Variants in ANKRD26 observed in about 807,000 individuals in gnomAD.
ANKRD26 encodes the protein ankyrin repeat domain-containing protein 26.
ANKRD26 carries 141 observed loss-of-function variants against 208.7 expected under a neutral mutation model. The ratio of observed to expected loss-of-function variants is 0.68; its 90% CI spans 0.59 to 0.78. The LOEUF is 0.78. Among genes scored for constraint, ANKRD26 ranks in the 30% least tolerant of loss-of-function variants. ANKRD26 has a pLI of 0.00. For synonymous variants in ANKRD26, 636 were observed against 660.4 expected, an observed-to-expected ratio of 0.96 and a Z score of 0.57; for missense variants, 1,889 against 1,938.7, an observed-to-expected ratio of 0.97 and a Z score of 0.48.
chr10:27,075,544 A>G (rs7916592), intron 9 of ANKRD26, among the ~76,000 whole-genome samples: 14,236 of 152,220 alleles, frequency 0.094, 2,159 homozygotes, highest in African/African-American at 0.32. Context: ...AAGAAGATCT[A>G]AGAATCCTAA....
intron 6 of ANKRD26, 26 bp from the exon 7 acceptor site, chr10:27,079,187 G>C (rs530158137): frequency 1.3e-6 from 2 of 1,582,558 alleles, no homozygotes; most frequent in Non-Finnish European, 1.7e-6. Flanking sequence ...ATAGAAAAAT[G>C]AGTGAATTCA....
chr10:27,017,463 G>A, intron 30 of ANKRD26, 39 bp downstream of exon 30: 1 of 1,601,130 alleles, frequency 6.2e-7, no homozygotes, highest in Non-Finnish European at 8.5e-7. Flanking sequence ...AATACAATTT[G>A]CAGTGAAATG....
chr10:27,018,378 C>A (rs1228253307), intron 29 of ANKRD26, among the ~76,000 whole-genome samples: 1 of 151,948 alleles, frequency 6.6e-6, no homozygotes, highest in Non-Finnish European at 1.5e-5. Flanking sequence ...TCATGATCTG[C>A]CTGCCTCAGC....
At chr10:26,955,519 G>A in the ANKRD26 span, among the ~76,000 whole-genome samples, 3 of 151,956 alleles carry the variant, frequency 2.0e-5, no homozygotes, top group Non-Finnish European at 4.4e-5. Context: ...GTATAAATAT[G>A]TTCCAATCCA....
At chr10:27,079,937 C>T in intron 6 of ANKRD26, 1 of 187,934 alleles carries the variant, frequency 5.3e-6, no homozygotes, top group Non-Finnish European at 1.2e-5. Context: ...GCGGGCAGAT[C>T]ACGAGGTCAG....
intron 27 of ANKRD26, among the ~76,000 whole-genome samples, chr10:27,025,654 C>T (rs1367400543): frequency 6.6e-6 from 1 of 152,040 alleles, no homozygotes; most frequent in Non-Finnish European, 1.5e-5. Context: ...TATCAGTGAC[C>T]ATACCCTCCC....
chr10:26,955,597 C>T, the ANKRD26 span, among the ~76,000 whole-genome samples: 1 of 151,986 alleles, frequency 6.6e-6, no homozygotes, highest in Admixed American at 6.6e-5. Flanking sequence ...AAACTTTTTC[C>T]ATTTCCTAGC....
chr10:27,026,531 T>C (rs2053664139), intron 27 of ANKRD26, among the ~76,000 whole-genome samples: 1 of 152,214 alleles, frequency 6.6e-6, no homozygotes. Context: ...TGTATCTGTA[T>C]AGGAGAGTAG....
rs1049090573 is a variant in ANKRD26 at position 27,035,277 on chromosome 10, T to A, written c.3173A>T (p.Asn1058Ile). 1 of 1,613,804 alleles carries A rather than the reference T, an allele frequency of 6.2e-7. No homozygotes were observed. Among genetic ancestry groups the A allele is most frequent in the African/African-American group, 1.3e-5 (1 of 74,910 alleles). ...MNFDVSNLKDNNEILSQQLFK... is the reference protein window; with the variant it reads ...MNFDVSNLKDINEILSQQLFK... Reference sequence around the variant, plus strand: ...TAGTTGTTGAGAAAGAATCTCATTGTTATCTTTTAGGTTAGACACATCAAA... The same window carrying A: ...TAGTTGTTGAGAAAGAATCTCATTGATATCTTTTAGGTTAGACACATCAAA... Residue 1058 changes from asparagine (N) to isoleucine (I), a missense_variant, in exon 24 of 34, where the codon AAC (asparagine) becomes ATC (isoleucine). By Grantham distance (149) the Asn-to-Ile change is moderately radical. Coordinates refer to ENST00000376087, the MANE Select transcript of ANKRD26 (RefSeq NM_014915.3).
Position 27,066,630 on chromosome 10 carries a change from G to A in ANKRD26, c.1208-82C>T, listed in dbSNP as rs928137739. 4 of 832,996 alleles carry A rather than the reference G, an allele frequency of 4.8e-6. No individual in the cohort carries two copies. In the African/African-American group the frequency reaches 7.0e-5, roughly 15 times the overall value. The allele number at this position is 832,996 out of a possible 1,614,324, so 51.6% of individuals were successfully genotyped here. On this transcript the variant is annotated intron_variant, in intron 10 of 33. Transcript: ENST00000376087. ...AATACATAATTAAATACATATACAAGTCTATCTCCATTCATGAATATTTCA... is the reference window on the plus strand; with the variant it reads ...AATACATAATTAAATACATATACAAATCTATCTCCATTCATGAATATTTCA...
chr10:26,952,232 T>C, the ANKRD26 span, among the ~76,000 whole-genome samples: 5 of 151,990 alleles, frequency 3.3e-5, no homozygotes, highest in Non-Finnish European at 7.4e-5. Flanking sequence ...CTGACTGACC[T>C]TGATGTTTCC....
At chr10:27,087,020 C>T (rs1172951138) in intron 4 of ANKRD26, among the ~76,000 whole-genome samples, 2 of 152,092 alleles carry the variant, frequency 1.3e-5, no homozygotes, top group African/African-American at 4.8e-5. Flanking sequence ...GATTTGCCTG[C>T]CTTGGCCTCC....
rs758815806 is a variant in ANKRD26 at position 26,992,863 on chromosome 10, G to T, written c.*30-858C>A. Among the ~76,000 whole-genome samples the T allele has an allele frequency of 4.1e-4, 63 of 152,110 alleles. 2 individuals carry two copies. The highest frequency in any genetic ancestry group is 9.2e-4 in the Admixed American group (14 of 15,258). ...AGCCATAAGTTAAGTTATATTATTT[G>T]ATGTATCTGGAATATAAATACAACA... On this transcript the variant is annotated intron_variant, in intron 5 of 5. Coordinates refer to the ANKRD26 transcript ENST00000445828.
intron 2 of ANKRD26, 46 bp from the exon 3 acceptor site, chr10:27,093,568 A>G: frequency 6.2e-7 from 1 of 1,608,674 alleles, no homozygotes; most frequent in Non-Finnish European, 8.5e-7. Context: ...CTAGGAATGC[A>G]AAATAAACAC....
downstream of ANKRD26, among the ~76,000 whole-genome samples, chr10:26,990,227 C>T (rs1358864558): frequency 6.6e-6 from 1 of 152,120 alleles, no homozygotes; most frequent in Non-Finnish European, 1.5e-5. Flanking sequence ...ATGTGCATGG[C>T]AATTCACTAG....
chr10:26,951,022 T>TC, the ANKRD26 span, among the ~76,000 whole-genome samples: 761 of 67,588 alleles, frequency 0.011, 24 homozygotes, highest in African/African-American at 0.021. Flanking sequence ...TCTTTTTCTT[T>TC]TTTTTTTTTT....
intron 4 of ANKRD26, among the ~76,000 whole-genome samples, chr10:26,998,959 A>T (rs1352837019): frequency 2.0e-5 from 3 of 152,130 alleles, no homozygotes; most frequent in Non-Finnish European, 4.4e-5. Context: ...GTATACGTGG[A>T]GGTGGGGGAG....
At chr10:26,962,949 TC>T in the ANKRD26 span, among the ~76,000 whole-genome samples, 338 of 152,314 alleles carry the variant, frequency 2.2e-3, no homozygotes, top group Non-Finnish European at 2.3e-3. Flanking sequence ...TGGGCACTTT[TC>T]TAGGCACCTT....
intron 23 of ANKRD26, among the ~76,000 whole-genome samples, chr10:27,036,518 A>T (rs11015468): frequency 0.1 from 15,801 of 152,064 alleles, 1,088 homozygotes; most frequent in East Asian, 0.27. Context: ...CTCTTGGAAA[A>T]TCACGAGATT....
Sources: allele counts gnomAD v4.1 joint callset (sites outside exome capture counted in the v4.1 genomes callset), GRCh38; gene constraint gnomAD v4.1.1; transcripts MANE v1.5; gene names NCBI Gene and HGNC (gene_info 2026-07-23, HGNC 2026-07-21).